MYRF: variants seen among roughly 807,000 people sequenced by gnomAD.
MYRF encodes the protein myelin regulatory factor.
Under a neutral mutation model 126.3 loss-of-function variants are expected in MYRF, and 16 were observed. The ratio of observed to expected loss-of-function variants is 0.13; its 90% CI spans 0.09 to 0.19. MYRF has a LOEUF of 0.19. Ranked by LOEUF, MYRF falls within the 10% of genes least tolerant of loss-of-function variation. The pLI is 1.00. For missense variants in MYRF, 1,104 were observed against 1,547.0 expected, an observed-to-expected ratio of 0.71 and a Z score of 4.80; for synonymous variants, 608 against 635.3, an observed-to-expected ratio of 0.96 and a Z score of 0.65.
In MYRF at chr11:61,766,051, C is replaced by T. The variant is rs2066050378; in HGVS notation, c.228C>T (p.Ser76=). The change falls in exon 3 of 27, where the codon AGC becomes AGT. Residue 76 remains serine, a synonymous_variant. Coordinates refer to ENST00000278836, the MANE Select transcript of MYRF (RefSeq NM_001127392.3). Reference sequence around the variant, plus strand: ...GCTCCAGCGGGGTCCACCACCTGAGCCCCCCTGGGGGTGGACCCTCCCCGG... The same window carrying T: ...GCTCCAGCGGGGTCCACCACCTGAGTCCCCCTGGGGGTGGACCCTCCCCGG... ...MPGSSGVHHL[S]PPGGGPSPGR... is the part of the protein sequence containing the mutation. 2 of 1,601,164 alleles carry T rather than the reference C, an allele frequency of 1.2e-6. No homozygotes were observed. The highest frequency in any genetic ancestry group is 1.7e-6 in the Non-Finnish European group (2 of 1,176,384).
chr11:61,777,790 A>T lies in MYRF; in HGVS notation c.1848A>T (p.Arg616Ser), dbSNP rs2066428752. 6.4e-7 allele frequency: 1 copy of T among 1,552,462 alleles called. No individual in the cohort carries two copies. The highest frequency in any genetic ancestry group is 1.4e-5 in the African/African-American group (1 of 73,030). The change falls in exon 13 of 27, where the codon AGA becomes AGT. Residue 616 changes from arginine (R) to serine (S), a missense_variant. Around this residue, in one of 10 missense-constraint regions of MYRF, gnomAD observed 123 missense variants for 209.1 expected, o/e 0.59. Coordinates refer to ENST00000278836, the MANE Select transcript of MYRF (RefSeq NM_001127392.3). The surrounding 1 kb of genome is among the most constrained non-coding windows in gnomAD (Gnocchi z 8.8). ...CGCGCATGCGGCTGGTGCACTACAG[A>T]TACAAGCCCGAGTTCGCCGCCAGCG... is the stretch of plus-strand genomic sequence containing the variant. ...RISRMRLVHYRYKPEFAASAG... is the reference protein window; with the variant it reads ...RISRMRLVHYSYKPEFAASAG...
At chr11:61,761,259 T>TG (rs35744830) in intron 1 of MYRF, among the ~76,000 whole-genome samples, 13,265 of 78,032 alleles carry the variant, frequency 0.17, 1,026 homozygotes, top group African/African-American at 0.25. Context: ...CCACAGCTGG[T>TG]GGGGGGGGGG....
Position 61,778,996 on chromosome 11 carries a change from C to T in MYRF, c.2014-267C>T. 1 of 648,206 alleles carries T rather than the reference C, an allele frequency of 1.5e-6. No homozygotes were observed. The allele number at this position is 648,206 out of a possible 1,614,324, so 40.2% of individuals were successfully genotyped here. On this transcript the variant is annotated intron_variant, in intron 14 of 26. Transcript: ENST00000278836. This position sits in a 1 kb window ranked among gnomAD's most constrained non-coding sequence, Gnocchi z 4.6. ...CAGGCTTAGGAGAGGAGAGCTCTGG[C>T]AGGGAGTGGGGAGGGCCATTCAGGC... is the stretch of plus-strand genomic sequence containing the variant.
rs866948122 is a variant in MYRF at position 61,786,347 on chromosome 11, G to A, written c.*204G>A. On this transcript the variant is annotated 3_prime_UTR_variant, in exon 27 of 27. Coordinates refer to ENST00000278836, the MANE Select transcript of MYRF (RefSeq NM_001127392.3). The surrounding 1 kb of genome is among the most constrained non-coding windows in gnomAD (Gnocchi z 4.5). ...CCCTCACGGCACAGAGGGAACCTGA[G>A]AGCCAGAGACTTCTTGGGCCTTCCT... The A allele has an allele frequency of 1.7e-6, 1 of 605,204 alleles. No homozygotes were observed. The highest frequency in any genetic ancestry group is 1.8e-5 in the African/African-American group (1 of 54,120). The allele number at this position is 605,204 out of a possible 1,614,324, so 37.5% of individuals were successfully genotyped here. A position where few individuals can be genotyped will look rare whatever the true frequency, so the allele number is the denominator to read the frequency against.
intron 22 of MYRF, 163 bp downstream of exon 22, chr11:61,781,987 T>C (rs1393742754): frequency 3.9e-6 from 3 of 760,700 alleles, no homozygotes; most frequent in Non-Finnish European, 5.9e-6. Context: ...CAGCCTTACA[T>C]AGATCATCCC....
rs573419566 is a variant in MYRF at position 61,773,628 on chromosome 11, C to T, written c.1116-339C>T. 2.6e-5 allele frequency among the ~76,000 whole-genome samples: 4 copies of T among 152,236 alleles called. No individual in the cohort carries two copies. The East Asian group carries it at 7.7e-4, about 29-fold the overall frequency. The stretch of plus-strand genomic sequence containing the variant: ...TTCAGGCAGCCTTCTGGGAAGGAGC[C>T]GAGTGTGGGGAGGGCAGTCAAGCCC... On this transcript the variant is annotated intron_variant, in intron 7 of 26. Coordinates refer to ENST00000278836, the MANE Select transcript of MYRF (RefSeq NM_001127392.3).
Position 61,771,926 on chromosome 11 carries a change from C to T in MYRF, c.1089C>T (p.Thr363=). ...WQPHQQNKWA[T]LYDANYKELP... ...CTCATCAGCAGAACAAGTGGGCGAC[C>T]CTGTACGATGCTAACTACAAGGAGC... Residue 363 remains threonine, a synonymous_variant, in exon 7 of 27, where the codon ACC becomes ACT. Transcript: ENST00000278836. The T allele has an allele frequency of 6.2e-7, 1 of 1,614,110 alleles. No individual in the cohort carries two copies. The highest frequency in any genetic ancestry group is 1.1e-5 in the South Asian group (1 of 91,076).
chr11:61,774,226 C>T (rs1309267009), intron 8 of MYRF, 64 bp downstream of exon 8: 16 of 1,449,142 alleles, frequency 1.1e-5, no homozygotes, highest in Non-Finnish European at 1.3e-5. Context: ...TGAAAGACCC[C>T]AGAAAAAGCA....
intron 1 of MYRF, among the ~76,000 whole-genome samples, chr11:61,762,493 G>C (rs2065925151): frequency 6.6e-6 from 1 of 152,176 alleles, no homozygotes; most frequent in African/African-American, 2.4e-5. Flanking sequence ...TTCCTGCCTG[G>C]CAGGTACCCC....
rs775151621 is a variant in MYRF, at chr11:61,776,388, C to T, written c.1455C>T (p.Thr485=). Residue 485 remains threonine (T), a synonymous_variant, in exon 10 of 27, where the codon ACC becomes ACT. Transcript: ENST00000278836. This position sits in a 1 kb window ranked among gnomAD's most constrained non-coding sequence, Gnocchi z 4.3. The part of the protein sequence containing the change: ...TVGRLHFSET[T]ANNMRKKGKP... Reference sequence around the variant, plus strand: ...GGCGGCTGCACTTCAGCGAGACCACCGCTAACAACATGCGTAAGAAGGGCA... The same window carrying T: ...GGCGGCTGCACTTCAGCGAGACCACTGCTAACAACATGCGTAAGAAGGGCA... 8 of 1,612,996 alleles carry T rather than the reference C, an allele frequency of 5.0e-6. No individual in the cohort carries two copies. The highest frequency in any genetic ancestry group is 4.4e-5 in the South Asian group (4 of 91,062).
chr11:61,782,077 G>A, intron 22 of MYRF: 1 of 459,100 alleles, frequency 2.2e-6, no homozygotes, highest in Non-Finnish European at 3.8e-6. Flanking sequence ...GGAGACTAAG[G>A]TGAAGTGACC....
In MYRF at chr11:61,776,758, A is replaced by C; in HGVS notation, c.1500-29A>C. The C allele has an allele frequency of 6.5e-7, 1 of 1,544,104 alleles. No individual in the cohort carries two copies. Among genetic ancestry groups the C allele is most frequent in the African/African-American group, 1.4e-5 (1 of 73,590 alleles). On this transcript the variant is annotated intron_variant, in intron 10 of 26. Coordinates refer to ENST00000278836, the MANE Select transcript of MYRF (RefSeq NM_001127392.3). The surrounding 1 kb of genome is among the most constrained non-coding windows in gnomAD (Gnocchi z 4.3). ...GCCCTGGGGGCGGGGGCAGGCCATG[A>C]GTACTTCTGAGACCCCTGTGTGTCC...
In MYRF at chr11:61,786,255, A is replaced by G; in HGVS notation, c.*112A>G. 1 of 1,006,164 alleles carries G rather than the reference A, an allele frequency of 9.9e-7. No homozygotes were observed. The highest frequency in any genetic ancestry group is 1.5e-6 in the Non-Finnish European group (1 of 657,688). 62.3% of individuals were successfully genotyped at this position (1,006,164 alleles called of 1,614,324 possible). A position where few individuals can be genotyped will look rare whatever the true frequency, so the allele number is the denominator to read the frequency against. Reference sequence around the variant, plus strand: ...CCGCTGCAGGCCAGCTCTGCTGTTCACTGGCCCTACCCGAGACTGGTGAAA... The same window carrying G: ...CCGCTGCAGGCCAGCTCTGCTGTTCGCTGGCCCTACCCGAGACTGGTGAAA... On this transcript the variant is annotated 3_prime_UTR_variant, in exon 27 of 27. Transcript: ENST00000278836. The surrounding 1 kb of genome is among the most constrained non-coding windows in gnomAD (Gnocchi z 4.5).
chr11:61,786,399 A>G lies in MYRF; in HGVS notation c.*256A>G. 2 of 546,716 alleles carry G rather than the reference A, an allele frequency of 3.7e-6. No homozygotes were observed. The highest frequency in any genetic ancestry group is 3.1e-5 in the East Asian group (1 of 32,320). 33.9% of individuals were successfully genotyped at this position (546,716 alleles called of 1,614,324 possible). ...CCTGCCACCCCCTAGGGGCCAGGACAGGACCAGTTTACCTCTTTCCAGATA... is the reference window on the plus strand; with the variant it reads ...CCTGCCACCCCCTAGGGGCCAGGACGGGACCAGTTTACCTCTTTCCAGATA... On this transcript the variant is annotated 3_prime_UTR_variant, in exon 27 of 27. Coordinates refer to ENST00000278836, the MANE Select transcript of MYRF (RefSeq NM_001127392.3). This position sits in a 1 kb window ranked among gnomAD's most constrained non-coding sequence, Gnocchi z 4.5.
At chr11:61,775,956 G>C (rs954027469) in intron 8 of MYRF, 100 bp from the exon 9 acceptor site, 2 of 1,118,836 alleles carry the variant, frequency 1.8e-6, no homozygotes, top group Non-Finnish European at 2.7e-6. Context: ...CCTGTTTCCT[G>C]GTGAGCTCTA....
Position 61,786,257 on chromosome 11 carries a change from T to G in MYRF, c.*114T>G. 1.0e-6 allele frequency: 1 copy of G among 991,038 alleles called. No homozygotes were observed. The highest frequency in any genetic ancestry group is 1.6e-5 in the African/African-American group (1 of 62,070). 61.4% of individuals were successfully genotyped at this position (991,038 alleles called of 1,614,324 possible). A position where few individuals can be genotyped will look rare whatever the true frequency, so the allele number is the denominator to read the frequency against. On this transcript the variant is annotated 3_prime_UTR_variant, in exon 27 of 27. Coordinates refer to ENST00000278836, the MANE Select transcript of MYRF (RefSeq NM_001127392.3). This position sits in a 1 kb window ranked among gnomAD's most constrained non-coding sequence, Gnocchi z 4.5. The stretch of plus-strand genomic sequence containing the variant: ...GCTGCAGGCCAGCTCTGCTGTTCAC[T>G]GGCCCTACCCGAGACTGGTGAAACT...
chr11:61,781,179 C>G lies in MYRF; in HGVS notation c.2614C>G (p.Arg872Gly), dbSNP rs777036855. The change falls in exon 21 of 27, where the codon CGC (arginine) becomes GGC (glycine). Residue 872 changes from arginine to glycine, a missense_variant. By Grantham distance (125) the Arg-to-Gly change is moderately radical. Transcript: ENST00000278836. ...LTSSAPGSAV[R>G]TLDMCSSHPC... is the part of the protein sequence containing the mutation. ...CAGCTCGGCCCCAGGTTCTGCTGTCCGCACCTTGGACATGTGTTCCAGCCA... is the reference window on the plus strand; with the variant it reads ...CAGCTCGGCCCCAGGTTCTGCTGTCGGCACCTTGGACATGTGTTCCAGCCA... The G allele has an allele frequency of 2.2e-5, 36 of 1,613,946 alleles. No individual in the cohort carries two copies. Among genetic ancestry groups the G allele is most frequent in the Non-Finnish European group, 3.0e-5 (35 of 1,180,034 alleles).
At chr11:61,760,012 A>G (rs953604944) in intron 1 of MYRF, among the ~76,000 whole-genome samples, 1 of 151,624 alleles carries the variant, frequency 6.6e-6, no homozygotes, top group Non-Finnish European at 1.5e-5. Context: ...TCTGTCGCCC[A>G]GGCTGGAGTG....
At position 61,784,345 on chromosome 11, in the gene MYRF, G is replaced by A. The variant is rs774738786; in HGVS notation, c.3260G>A (p.Gly1087Glu). Reference protein sequence around the residue: ...LRSKEEPCEEGSLPQSLHTHQ... With the variant: ...LRSKEEPCEEESLPQSLHTHQ... ...TCAAAGGAGGAACCATGTGAGGAGG[G>A]GAGCCTTCCACAGAGTCTCCACACC... Residue 1087 changes from glycine to glutamate, a missense_variant, in exon 25 of 27, where the codon GGG (glycine) becomes GAG (glutamate). By Grantham distance (98) the Gly-to-Glu change is moderately conservative. This residue lies in a region of MYRF where 94 missense variants were observed against 164.6 expected (regional missense o/e 0.57). Coordinates refer to ENST00000278836, the MANE Select transcript of MYRF (RefSeq NM_001127392.3). 1.2e-6 allele frequency: 2 copies of A among 1,614,010 alleles called. No individual in the cohort carries two copies. Among genetic ancestry groups the A allele is most frequent in the East Asian group, 4.5e-5 (2 of 44,874 alleles).
Sources: allele counts gnomAD v4.1 joint callset (sites outside exome capture counted in the v4.1 genomes callset), GRCh38; gene constraint gnomAD v4.1.1; regional missense constraint gnomAD v4.1.1; non-coding constraint Gnocchi (gnomAD v3.1); transcripts MANE v1.5; gene names NCBI Gene and HGNC (gene_info 2026-07-23, HGNC 2026-07-21).